STRN3: variants seen among roughly 807,000 people sequenced by gnomAD.
STRN3 encodes striatin 3.
In STRN3, 29 loss-of-function variants were observed where a neutral mutation model predicts 95.6. That is an observed-to-expected ratio of 0.30 (90% confidence interval 0.23 to 0.41). The LOEUF is 0.41. STRN3 is among the 10% of genes least tolerant of loss of function. STRN3 has a pLI of 1.00. For missense variants in STRN3, 890 were observed against 972.1 expected (o/e 0.92, Z 1.12); for synonymous variants, 331 against 357.6 (o/e 0.93, Z 0.84).
intron 1 of STRN3, among the ~76,000 whole-genome samples, chr14:30,980,839 T>C (rs961947948): frequency 6.6e-6 from 1 of 152,308 alleles, no homozygotes; most frequent in African/African-American, 2.4e-5. Context: ...TTTTGTTGTA[T>C]TTAATGATTT....
intron 1 of STRN3, among the ~76,000 whole-genome samples, chr14:30,976,456 C>CT (rs1439353185): frequency 6.6e-6 from 1 of 152,166 alleles, no homozygotes; most frequent in Non-Finnish European, 1.5e-5. Flanking sequence ...CTACCAGTAA[C>CT]TGAGAGATCC....
intron 1 of STRN3, among the ~76,000 whole-genome samples, chr14:30,993,731 G>C (rs1394613721): frequency 6.6e-6 from 1 of 152,088 alleles, no homozygotes; most frequent in African/African-American, 2.4e-5. Flanking sequence ...CCAGGCTGGA[G>C]TGCAATAGTG....
At chr14:30,981,149 A>C (rs1881375436) in intron 1 of STRN3, among the ~76,000 whole-genome samples, 2 of 149,046 alleles carry the variant, frequency 1.3e-5, no homozygotes, top group Admixed American at 6.6e-5. Context: ...TTGTCTCTAC[A>C]AAAAAAAGTT....
chr14:30,929,264 C>T lies in STRN3; in HGVS notation c.1036G>A (p.Gly346Arg). The T allele has an allele frequency of 6.2e-7, 1 of 1,613,284 alleles. No individual in the cohort carries two copies. The highest frequency in any genetic ancestry group is 2.2e-5 in the East Asian group (1 of 44,798). The change falls in exon 8 of 18, where the codon GGA becomes AGA. Residue 346 changes from glycine to arginine, a missense_variant. Transcript: ENST00000357479. ...PTAEVWDVDQ[G>R]LISKLKEQYK... ...TGTTCCTTCAGTTTACTTATTAGTCCCTGGTCTACATCCCAAACCTCAGCA... is the reference window on the plus strand; with the variant it reads ...TGTTCCTTCAGTTTACTTATTAGTCTCTGGTCTACATCCCAAACCTCAGCA...
intron 1 of STRN3, among the ~76,000 whole-genome samples, chr14:30,989,869 T>A (rs1881870162): frequency 6.6e-6 from 1 of 152,014 alleles, no homozygotes; most frequent in African/African-American, 2.4e-5. Context: ...TTTCCATATC[T>A]ATGAAATGGG....
At chr14:30,916,706 A>C (rs537585809) in intron 9 of STRN3, among the ~76,000 whole-genome samples, 1 of 152,212 alleles carries the variant, frequency 6.6e-6, no homozygotes, top group Non-Finnish European at 1.5e-5. Context: ...CTGGAATTAC[A>C]GGCATGAGCT....
intron 1 of STRN3, among the ~76,000 whole-genome samples, chr14:30,959,195 GCACGCCTGTTATCC>G (rs1880065201): frequency 6.6e-6 from 1 of 152,058 alleles, no homozygotes. Flanking sequence ...GTGTGGCGGT[GCACGCCTGTTATCC>G]CAGCTACTTG....
At chr14:31,019,460 T>C (rs10459419) in intron 1 of STRN3, among the ~76,000 whole-genome samples, 2 of 152,322 alleles carry the variant, frequency 1.3e-5, no homozygotes, top group South Asian at 4.1e-4. Flanking sequence ...TTTTCTTACA[T>C]GTTTGAAACT....
At chr14:30,905,615 T>G in intron 14 of STRN3, 57 bp from the exon 15 acceptor site, 17 of 1,527,718 alleles carry the variant, frequency 1.1e-5, no homozygotes, top group Non-Finnish European at 1.3e-5. Context: ...ATGAAATCTC[T>G]ACTTTTTGAA....
intron 8 of STRN3, among the ~76,000 whole-genome samples, chr14:30,921,615 CTT>C (rs1391823349): frequency 1.3e-5 from 2 of 152,090 alleles, no homozygotes; most frequent in Admixed American, 6.6e-5. Flanking sequence ...AATTTAATGT[CTT>C]TGTTTTCTTT....
intron 3 of STRN3, among the ~76,000 whole-genome samples, chr14:30,951,306 A>G (rs7350756): frequency 1 from 151,674 of 152,198 alleles, 75,583 homozygotes; most frequent in Non-Finnish European, 1. Flanking sequence ...CACCATCTCG[A>G]TTCACTGCAG....
intron 4 of STRN3, among the ~76,000 whole-genome samples, chr14:30,948,260 T>TA (rs904181254): frequency 2.0e-5 from 3 of 152,086 alleles, no homozygotes; most frequent in Non-Finnish European, 2.9e-5. Flanking sequence ...ATAGTGTCTA[T>TA]AAAAAAATAC....
intron 1 of STRN3, among the ~76,000 whole-genome samples, chr14:31,002,574 G>A (rs1013686382): frequency 2.6e-5 from 4 of 151,364 alleles, no homozygotes; most frequent in African/African-American, 9.7e-5. Context: ...CCAGGAAGCT[G>A]AGGTTACAGT....
intron 7 of STRN3, among the ~76,000 whole-genome samples, chr14:30,930,557 T>A (rs1365580234): frequency 2.6e-5 from 4 of 152,180 alleles, no homozygotes; most frequent in Non-Finnish European, 4.4e-5. Context: ...TCGGTCAGTA[T>A]GTGAAAAGCT....
At chr14:31,010,884 C>T (rs1303016625) in intron 1 of STRN3, among the ~76,000 whole-genome samples, 2 of 152,102 alleles carry the variant, frequency 1.3e-5, no homozygotes, top group Non-Finnish European at 2.9e-5. Context: ...CCTAAAAATA[C>T]AAAAATTAGC....
At chr14:30,941,282 C>T (rs1879080773) in intron 5 of STRN3, among the ~76,000 whole-genome samples, 1 of 152,204 alleles carries the variant, frequency 6.6e-6, no homozygotes, top group Non-Finnish European at 1.5e-5. Context: ...CATGATAGGA[C>T]ACAGGCCCAG....
chr14:30,926,676 TA>T (rs1878190480), intron 8 of STRN3, among the ~76,000 whole-genome samples: 1 of 152,062 alleles, frequency 6.6e-6, no homozygotes, highest in African/African-American at 2.4e-5. Flanking sequence ...AAGCATGTGT[TA>T]TTTTTATGAT....
intron 1 of STRN3, among the ~76,000 whole-genome samples, chr14:31,011,471 G>A (rs1027107273): frequency 6.6e-6 from 1 of 152,006 alleles, no homozygotes; most frequent in Non-Finnish European, 1.5e-5. Flanking sequence ...GCAAAACCTC[G>A]TCTCAACTAA....
Position 30,947,240 on chromosome 14 carries a change from G to A in STRN3, c.566C>T (p.Thr189Ile). The change falls in exon 5 of 18, where the codon ACA (threonine) becomes ATA (isoleucine). Residue 189 changes from threonine (T) to isoleucine (I), a missense_variant. By Grantham distance (89) the Thr-to-Ile change is moderately conservative. Around this residue, in one of 3 missense-constraint regions of STRN3, gnomAD observed 526 missense variants for 526.3 expected, o/e 1.00. Transcript: ENST00000357479. ...AGACCGTACATCTAATATTGTATCT[G>A]TATAACCTACTTCCTGAAGATACCT... Reference protein sequence around the residue: ...LRQYLQEVGYTDTILDVRSQR... With the variant: ...LRQYLQEVGYIDTILDVRSQR... The A allele has an allele frequency of 6.3e-7, 1 of 1,596,218 alleles. No homozygotes were observed. The highest frequency in any genetic ancestry group is 8.5e-7 in the Non-Finnish European group (1 of 1,173,970).
Sources: allele counts gnomAD v4.1 joint callset (sites outside exome capture counted in the v4.1 genomes callset), GRCh38; gene constraint gnomAD v4.1.1; regional missense constraint gnomAD v4.1.1; transcripts MANE v1.5; gene names NCBI Gene and HGNC (gene_info 2026-07-23, HGNC 2026-07-21).